CCSER1: variants seen among roughly 807,000 people sequenced by gnomAD.
The protein encoded by CCSER1 is serine-rich coiled-coil domain-containing protein 1.
A neutral mutation model predicts 82.0 loss-of-function variants in CCSER1; 41 were observed. The ratio of observed to expected loss-of-function variants is 0.50; its 90% CI spans 0.39 to 0.65. CCSER1 has a LOEUF of 0.65. Ranked by LOEUF, CCSER1 falls within the 30% of genes least tolerant of loss-of-function variation. The probability of loss-of-function intolerance (pLI) is 0.00; values close to 1 mark genes in which losing one functional copy is unlikely to be tolerated. For synonymous variants in CCSER1, 414 were observed against 383.9 expected (o/e 1.08, Z -0.92); for missense variants, 1,119 against 1,064.2 (o/e 1.05, Z -0.72).
At chr4:90,923,955 A>C (rs1199914568) in intron 9 of CCSER1, among the ~76,000 whole-genome samples, 1 of 152,214 alleles carries the variant, frequency 6.6e-6, no homozygotes, top group East Asian at 1.9e-4. Flanking sequence ...TTAGTGCGAA[A>C]TACTTGTTGA....
intron 4 of CCSER1, among the ~76,000 whole-genome samples, chr4:90,438,774 T>TA (rs1553911940): frequency 1.3e-5 from 2 of 150,228 alleles, no homozygotes; most frequent in Non-Finnish European, 3.0e-5. Context: ...TTTTGATATC[T>TA]TCTATCTATC....
chr4:90,514,466 C>T (rs1771966487), intron 5 of CCSER1, among the ~76,000 whole-genome samples: 1 of 152,000 alleles, frequency 6.6e-6, no homozygotes. Flanking sequence ...GTTTAGAAAA[C>T]ATTTTAGGCC....
At chr4:91,068,723 A>G (rs1170083600) in intron 9 of CCSER1, among the ~76,000 whole-genome samples, 1 of 152,176 alleles carries the variant, frequency 6.6e-6, no homozygotes, top group Admixed American at 6.5e-5. Context: ...TACTTGTTTA[A>G]TATTTTGGGG....
intron 7 of CCSER1, among the ~76,000 whole-genome samples, chr4:90,729,887 A>AAAAAT (rs1323412603): frequency 5.3e-5 from 8 of 152,268 alleles, no homozygotes; most frequent in Admixed American, 1.3e-4. Context: ...AAAAATAAAT[A>AAAAAT]AAAATAAAAT....
At chr4:91,328,393 T>C (rs1299605253) in intron 10 of CCSER1, among the ~76,000 whole-genome samples, 1 of 152,056 alleles carries the variant, frequency 6.6e-6, no homozygotes, top group African/African-American at 2.4e-5. Flanking sequence ...GAGGAAGTAG[T>C]ACACATTTTT....
intron 7 of CCSER1, among the ~76,000 whole-genome samples, chr4:90,801,401 AAAGCCTCTG>A (rs1178762223): frequency 6.6e-6 from 1 of 152,192 alleles, no homozygotes; most frequent in Non-Finnish European, 1.5e-5. Context: ...TTTAAATGAT[AAAGCCTCTG>A]TACAAATGTA....
chr4:90,980,843 T>G (rs1479111870), intron 9 of CCSER1, among the ~76,000 whole-genome samples: 1 of 151,770 alleles, frequency 6.6e-6, no homozygotes, highest in Non-Finnish European at 1.5e-5. Flanking sequence ...CAGGCTATAT[T>G]AAGAGGTGAA....
rs561707749 is a variant in CCSER1, at chr4:90,917,332, G to C, written c.2095-6038G>C. ...CATATACACCATGGAATACTATGCA[G>C]CCATAAAAATGATGAGTTCATATCC... On this transcript the variant is annotated intron_variant, in intron 8 of 10. Transcript: ENST00000509176. Among the ~76,000 whole-genome samples the C allele has an allele frequency of 3.9e-5, 6 of 152,278 alleles. No homozygotes were observed. The South Asian group carries it at 1.2e-3, about 32-fold the overall frequency.
At chr4:91,164,731 A>T (rs1464087790) in intron 10 of CCSER1, among the ~76,000 whole-genome samples, 1 of 151,952 alleles carries the variant, frequency 6.6e-6, no homozygotes, top group Non-Finnish European at 1.5e-5. Context: ...TTGGCTTTTG[A>T]AGGTTGTGCA....
intron 5 of CCSER1, among the ~76,000 whole-genome samples, chr4:90,491,937 T>A (rs1164961214): frequency 6.6e-6 from 1 of 152,174 alleles, no homozygotes; most frequent in African/African-American, 2.4e-5. Flanking sequence ...TATTGAGGAT[T>A]TTTGCATCGA....
chr4:90,689,860 T>C (rs1201044637), intron 6 of CCSER1, among the ~76,000 whole-genome samples: 1 of 152,140 alleles, frequency 6.6e-6, no homozygotes, highest in Non-Finnish European at 1.5e-5. Context: ...AAGGCTTTTA[T>C]ACTCCTGTTA....
chr4:90,482,582 T>G (rs895763401), intron 5 of CCSER1, among the ~76,000 whole-genome samples: 10 of 152,116 alleles, frequency 6.6e-5, no homozygotes, highest in Non-Finnish European at 1.3e-4. Flanking sequence ...TCTTTGTTCT[T>G]GTTGGTTTCA....
At chr4:90,379,563 A>G (rs568913722) in intron 3 of CCSER1, among the ~76,000 whole-genome samples, 2 of 152,264 alleles carry the variant, frequency 1.3e-5, no homozygotes, top group East Asian at 3.9e-4. Context: ...TTTTGATTAT[A>G]GGGGAAGGAA....
chr4:90,555,754 G>A (rs1328305828), intron 5 of CCSER1, among the ~76,000 whole-genome samples: 1 of 151,798 alleles, frequency 6.6e-6, no homozygotes, highest in Non-Finnish European at 1.5e-5. Context: ...GATAATAATT[G>A]CTAGCATAAG....
At chr4:90,763,267 T>C (rs1315965994) in intron 7 of CCSER1, among the ~76,000 whole-genome samples, 1 of 151,946 alleles carries the variant, frequency 6.6e-6, no homozygotes, top group Non-Finnish European at 1.5e-5. Flanking sequence ...CATGGAGGAC[T>C]CATGGGTGGA....
chr4:90,298,285 G>GTGTTTGTA (rs1480735437), intron 1 of CCSER1, among the ~76,000 whole-genome samples: 4 of 152,110 alleles, frequency 2.6e-5, no homozygotes, highest in African/African-American at 9.7e-5. Flanking sequence ...TTATGTAGGG[G>GTGTTTGTA]TGTTTGTAGT....
intron 3 of CCSER1, among the ~76,000 whole-genome samples, chr4:90,339,771 A>G (rs1477389420): frequency 2.6e-5 from 4 of 151,948 alleles, no homozygotes; most frequent in Non-Finnish European, 5.9e-5. Flanking sequence ...ATCTTTCCGT[A>G]TCTGCTTTAC....
intron 10 of CCSER1, among the ~76,000 whole-genome samples, chr4:91,353,193 G>T (rs570610980): frequency 6.6e-6 from 1 of 152,186 alleles, no homozygotes; most frequent in African/African-American, 2.4e-5. Flanking sequence ...AGCCAGGAGC[G>T]TCGGCAAGCT....
At chr4:91,346,011 A>G (rs72879090) in intron 10 of CCSER1, among the ~76,000 whole-genome samples, 12,661 of 151,234 alleles carry the variant, frequency 0.084, 1,822 homozygotes, top group African/African-American at 0.29. Flanking sequence ...ATACTTGCAT[A>G]TCATACTGGG....
Sources: allele counts gnomAD v4.1 joint callset (sites outside exome capture counted in the v4.1 genomes callset), GRCh38; gene constraint gnomAD v4.1.1; transcripts MANE v1.5; gene names NCBI Gene and HGNC (gene_info 2026-07-23, HGNC 2026-07-21).